NECTIN1: variants seen among roughly 807,000 people sequenced by gnomAD.
The protein encoded by NECTIN1 is nectin cell adhesion molecule 1.
A neutral mutation model predicts 48.0 loss-of-function variants in NECTIN1; 23 were observed. The observed-to-expected ratio is 0.48, with a 90% CI of 0.34 to 0.68. The LOEUF (loss-of-function observed/expected upper bound fraction) is 0.68. Ranked by LOEUF, NECTIN1 falls within the 30% of genes least tolerant of loss-of-function variation. NECTIN1 has a pLI of 0.01. For missense variants in NECTIN1, 591 were observed against 709.9 expected (o/e 0.83, Z 1.90); for synonymous variants, 270 against 288.9 (o/e 0.93, Z 0.66).
In NECTIN1 at chr11:119,677,194, C is replaced by T. The variant is rs1864967752; in HGVS notation, c.759G>A (p.Gly253=). 6.2e-7 allele frequency: 1 copy of T among 1,614,028 alleles called. No homozygotes were observed. Among genetic ancestry groups the T allele is most frequent in the Admixed American group, 1.7e-5 (1 of 59,998 alleles). Residue 253 remains glycine, a synonymous_variant, in exon 4 of 6, where the codon GGG becomes GGA. Transcript: ENST00000264025. The surrounding 1 kb of genome is among the most constrained non-coding windows in gnomAD (Gnocchi z 5.4). The part of the protein sequence containing the change: ...VQYEPEVTIE[G]FDGNWYLQRM... ...GCTGCAGGTACCAGTTGCCATCAAA[C>T]CCCTCAATGGTTACCTCAGGCTCAT...
At chr11:119,687,776 G>C (rs1001828952) in intron 1 of NECTIN1, among the ~76,000 whole-genome samples, 6 of 152,218 alleles carry the variant, frequency 3.9e-5, no homozygotes, top group African/African-American at 4.8e-5. Flanking sequence ...CACCTGTTTG[G>C]AAGCAGAGGG....
At chr11:119,716,775 A>AG (rs1335134281) in intron 1 of NECTIN1, among the ~76,000 whole-genome samples, 1 of 152,164 alleles carries the variant, frequency 6.6e-6, no homozygotes, top group Non-Finnish European at 1.5e-5. Flanking sequence ...CAACCCCAGG[A>AG]GGGGGGTGAG....
rs546277217 is a variant in NECTIN1, at chr11:119,678,172, G to C, written c.430+243C>G. On this transcript the variant is annotated intron_variant, in intron 2 of 5. Transcript: ENST00000264025. This position sits in a 1 kb window ranked among gnomAD's most constrained non-coding sequence, Gnocchi z 4.4. ...GGTGTCTGATGCTGCTGCCAGCACAGTGCCTTGTGGGCTTCAACCTGAAGA... is the reference window on the plus strand; with the variant it reads ...GGTGTCTGATGCTGCTGCCAGCACACTGCCTTGTGGGCTTCAACCTGAAGA... Among the ~76,000 whole-genome samples, 1 of 152,306 alleles carries C rather than the reference G, an allele frequency of 6.6e-6. No homozygotes were observed. The highest frequency in any genetic ancestry group is 2.1e-4 in the South Asian group (1 of 4,830).
At position 119,684,416 on chromosome 11, in the gene NECTIN1, G is replaced by A. The variant is rs545251248; in HGVS notation, c.80-5651C>T. Among the ~76,000 whole-genome samples, 2 of 152,382 alleles carry A rather than the reference G, an allele frequency of 1.3e-5. No homozygotes were observed. Among genetic ancestry groups the A allele is most frequent in the African/African-American group, 4.8e-5 (2 of 41,598 alleles). ...GTCTGTGTGCACGTGTGTGTCTGAGGTGGGTGCTGGGCTCCGCCATAAGGG... is the reference window on the plus strand; with the variant it reads ...GTCTGTGTGCACGTGTGTGTCTGAGATGGGTGCTGGGCTCCGCCATAAGGG... On this transcript the variant is annotated intron_variant, in intron 1 of 5. Transcript: ENST00000264025. This position sits in a 1 kb window ranked among gnomAD's most constrained non-coding sequence, Gnocchi z 5.2.
intron 5 of NECTIN1, among the ~76,000 whole-genome samples, chr11:119,644,497 G>A (rs770905025): frequency 1.3e-5 from 2 of 152,198 alleles, no homozygotes; most frequent in East Asian, 1.9e-4. Flanking sequence ...GTGCTCCCTT[G>A]CCCTACCTGT....
intron 1 of NECTIN1, among the ~76,000 whole-genome samples, chr11:119,723,230 A>C (rs1591491406): frequency 6.6e-6 from 1 of 151,738 alleles, no homozygotes. Context: ...AAAAAAAAAA[A>C]AAAAAAAAAA....
At position 119,665,355 on chromosome 11, in the gene NECTIN1, G is replaced by T; in HGVS notation, c.1004-58C>A. ...TCAGCGTGTGCTCCTGGGGTGTAGA[G>T]GGGGTGGGAGGGAGGCAGGGAAAGG... is the stretch of plus-strand genomic sequence containing the variant. On this transcript the variant is annotated intron_variant, in intron 5 of 5. Coordinates refer to ENST00000264025, the MANE Select transcript of NECTIN1 (RefSeq NM_002855.5). The surrounding 1 kb of genome is among the most constrained non-coding windows in gnomAD (Gnocchi z 5.1). The T allele has an allele frequency of 1.3e-6, 2 of 1,511,218 alleles. No individual in the cohort carries two copies. The highest frequency in any genetic ancestry group is 1.3e-5 in the South Asian group (1 of 78,252). 93.6% of individuals were successfully genotyped at this position (1,511,218 alleles called of 1,614,324 possible). A position where few individuals can be genotyped will look rare whatever the true frequency, so the allele number is the denominator to read the frequency against.
At chr11:119,682,182 G>GGGAGCAGAGTCCAGGTGACTCTAACA (rs1865070812) in intron 1 of NECTIN1, among the ~76,000 whole-genome samples, 1 of 152,148 alleles carries the variant, frequency 6.6e-6, no homozygotes, top group Admixed American at 6.5e-5. Context: ...GTTTTCAGAC[G>GGGAGCAGAGTCCAGGTGACTCTAACA]GGAGCAGAGT....
In NECTIN1 at chr11:119,664,237, A is replaced by G; in HGVS notation, c.*510T>C. ...ACCAGCTGTCTAGACCCAAGGTCCA[A>G]ACTCCCAGCTGCATCAGATTTCACT... On this transcript the variant is annotated 3_prime_UTR_variant, in exon 6 of 6. Coordinates refer to ENST00000264025, the MANE Select transcript of NECTIN1 (RefSeq NM_002855.5). 4 of 990,252 alleles carry G rather than the reference A, an allele frequency of 4.0e-6. No individual in the cohort carries two copies. Among genetic ancestry groups the G allele is most frequent in the Non-Finnish European group, 4.8e-6 (4 of 832,808 alleles). The allele number at this position is 990,252 out of a possible 1,614,324, so 61.3% of individuals were successfully genotyped here.
chr11:119,717,278 GC>G (rs756479045), intron 1 of NECTIN1, among the ~76,000 whole-genome samples: 120 of 152,348 alleles, frequency 7.9e-4, no homozygotes, highest in Admixed American at 1.5e-3. Flanking sequence ...GGAGCAGGGG[GC>G]TGTCGCACAC....
intron 1 of NECTIN1, among the ~76,000 whole-genome samples, chr11:119,711,561 T>A (rs991383736): frequency 6.6e-6 from 1 of 151,690 alleles, no homozygotes; most frequent in Middle Eastern, 3.2e-3. Context: ...AGAGCTCAGG[T>A]GCTGGGTGAG....
intron 4 of NECTIN1, chr11:119,675,553 T>C (rs1413979071): frequency 2.2e-6 from 1 of 452,052 alleles, no homozygotes; most frequent in Admixed American, 3.5e-5. Context: ...CCGGTCCCCC[T>C]TAACAGATGA....
intron 1 of NECTIN1, among the ~76,000 whole-genome samples, chr11:119,686,045 C>A (rs1218828860): frequency 2.0e-5 from 3 of 152,182 alleles, no homozygotes; most frequent in Non-Finnish European, 4.4e-5. Context: ...TCCAGGAAGA[C>A]CTCCCAGGTT....
Position 119,664,964 on chromosome 11 carries a change from C to T in NECTIN1, c.1337G>A (p.Gly446Asp). The T allele has an allele frequency of 1.9e-6, 3 of 1,610,402 alleles. No individual in the cohort carries two copies. The highest frequency in any genetic ancestry group is 2.2e-5 in the South Asian group (2 of 91,072). ...GCCCACCTTGCGCTCGCCCCCTCCA[C>T]CGCCCTCCTCCTCCTCCTCCTCCTC... is the stretch of plus-strand genomic sequence containing the variant. The part of the protein sequence containing the change: ...YEEEEEEEEG[G>D]GGGERKVGGP... Residue 446 changes from glycine to aspartate, a missense_variant, in exon 6 of 6, where the codon GGT (glycine) becomes GAT (aspartate). Physicochemically the swap from Gly to Asp is moderately conservative, Grantham distance 94 (BLOSUM62 -1). Transcript: ENST00000264025.
intron 5 of NECTIN1, chr11:119,642,385 C>G (rs1019550060): frequency 6.6e-6 from 1 of 152,356 alleles, no homozygotes; most frequent in Non-Finnish European, 1.5e-5. Flanking sequence ...GAACACATAC[C>G]CTGTCCGGCT....
At chr11:119,720,528 C>A (rs796261946) in intron 1 of NECTIN1, among the ~76,000 whole-genome samples, 1 of 152,280 alleles carries the variant, frequency 6.6e-6, no homozygotes, top group African/African-American at 2.4e-5. Flanking sequence ...CATGGGAGCA[C>A]CCCGCGTGAG....
At chr11:119,693,458 C>A (rs566259108) in intron 1 of NECTIN1, among the ~76,000 whole-genome samples, 1 of 152,356 alleles carries the variant, frequency 6.6e-6, no homozygotes, top group African/African-American at 2.4e-5. Context: ...TCCCCTCAGC[C>A]TCGGGCCAAG....
rs79996936 is a variant in NECTIN1 at position 119,678,816 on chromosome 11, C to G, written c.80-51G>C. 8,369 of 1,279,380 alleles carry G rather than the reference C, an allele frequency of 6.5e-3. 229 individuals carry two copies. The African/African-American group carries it at 0.079, about 12-fold the overall frequency. The allele number at this position is 1,279,380 out of a possible 1,614,324, so 79.3% of individuals were successfully genotyped here. A position where few individuals can be genotyped will look rare whatever the true frequency, so the allele number is the denominator to read the frequency against. ...GTCAGTGTCAGGCACAGCCTCCCCC[C>G]ACCCACACAGTTCCCTGTGCTCTGG... is the stretch of plus-strand genomic sequence containing the variant. On this transcript the variant is annotated intron_variant, in intron 1 of 5. Transcript: ENST00000264025. The surrounding 1 kb of genome is among the most constrained non-coding windows in gnomAD (Gnocchi z 4.4).
Position 119,661,836 on chromosome 11 carries a change from G to A in NECTIN1, c.*2911C>T, listed in dbSNP as rs1303441407. On this transcript the variant is annotated 3_prime_UTR_variant, in exon 6 of 6. Transcript: ENST00000264025. Reference sequence around the variant, plus strand: ...TGGCCATCTGGCTGTGCATGCATGCGTGTGTACATGCGTGTACACATGCCT... The same window carrying A: ...TGGCCATCTGGCTGTGCATGCATGCATGTGTACATGCGTGTACACATGCCT... The A allele has an allele frequency of 2.0e-5, 20 of 985,016 alleles. No individual in the cohort carries two copies. Among genetic ancestry groups the A allele is most frequent in the South Asian group, 4.7e-5 (1 of 21,268 alleles). The allele number at this position is 985,016 out of a possible 1,614,324, so 61.0% of individuals were successfully genotyped here. A position where few individuals can be genotyped will look rare whatever the true frequency, so the allele number is the denominator to read the frequency against.
Sources: gnomAD v4.1 joint callset for allele counts (sites outside exome capture counted in the v4.1 genomes callset) on GRCh38, gnomAD v4.1.1 for gene constraint, Gnocchi (gnomAD v3.1) non-coding constraint, MANE v1.5 for transcripts, NCBI Gene and HGNC (gene_info 2026-07-23, HGNC 2026-07-21) for gene names.